SPTBN4: variants seen among roughly 807,000 people sequenced by gnomAD.
The protein encoded by SPTBN4 is spectrin beta chain, non-erythrocytic 4.
In SPTBN4, 96 loss-of-function variants were observed where a neutral mutation model predicts 277.8. The observed-to-expected ratio is 0.35, with a 90% CI of 0.29 to 0.41. The LOEUF (loss-of-function observed/expected upper bound fraction) is 0.41, where lower values mean the gene tolerates loss of function less well. SPTBN4 is among the 10% of genes least tolerant of loss of function. The probability of loss-of-function intolerance (pLI) is 1.00; values close to 1 mark genes in which losing one functional copy is unlikely to be tolerated. For missense variants in SPTBN4, 3,006 were observed against 3,595.7 expected (o/e 0.84, Z 4.19); for synonymous variants, 1,481 against 1,580.3 (o/e 0.94, Z 1.49).
At chr19:40,480,466 T>C (rs2079998758) in intron 2 of SPTBN4, among the ~76,000 whole-genome samples, 1 of 152,102 alleles carries the variant, frequency 6.6e-6, no homozygotes, top group Non-Finnish European at 1.5e-5. Context: ...CAGAAAAGCA[T>C]CCTCATGCCA....
chr19:40,487,814 C>T lies in SPTBN4; in HGVS notation c.287C>T (p.Thr96Met). ...GACCTCCGGGACGGCTTCGTGCTCA[C>T]GCGGCTCCTGGAAGTGCTGTCTGGG... ...YVDLRDGFVL[T>M]RLLEVLSGEQ... is the part of the protein sequence containing the mutation. Residue 96 changes from threonine to methionine, a missense_variant, in exon 3 of 36, where the codon ACG becomes ATG. Coordinates refer to ENST00000598249, the MANE Select transcript of SPTBN4 (RefSeq NM_020971.3). 1 of 1,610,166 alleles carries T rather than the reference C, an allele frequency of 6.2e-7. No homozygotes were observed. Among genetic ancestry groups the T allele is most frequent in the Non-Finnish European group, 8.5e-7 (1 of 1,178,284 alleles).
chr19:40,570,900 C>T (rs973146351), intron 33 of SPTBN4, 172 bp downstream of exon 33: 8 of 627,218 alleles, frequency 1.3e-5, no homozygotes, highest in African/African-American at 2.1e-5. Context: ...AGAAAGCCAA[C>T]CAATGAGCAG....
chr19:40,504,152 G>GGGGGGCCCCC lies in SPTBN4; in HGVS notation c.1665+20_1665+21insGGGGGCCCCC. ...ATGCAGGTGCCGGCGGGGGGGCGGG[G>GGGGGGCCCCC]ATGCGGGTGGAGTGCCAGGAGGGAG... On this transcript the variant is annotated intron_variant, in intron 12 of 35. Transcript: ENST00000598249. 1.1e-6 allele frequency: 1 copy of GGGGGGCCCCC among 877,202 alleles called. No homozygotes were observed. The highest frequency in any genetic ancestry group is 1.8e-6 in the Non-Finnish European group (1 of 566,480). 54.3% of individuals were successfully genotyped at this position (877,202 alleles called of 1,614,324 possible). A position where few individuals can be genotyped will look rare whatever the true frequency, so the allele number is the denominator to read the frequency against.
Position 40,572,077 on chromosome 19 carries a change from T to G in SPTBN4, c.7378T>G (p.Ser2460Ala). The G allele has an allele frequency of 1.9e-6, 3 of 1,612,340 alleles. No individual in the cohort carries two copies. Among genetic ancestry groups the G allele is most frequent in the Non-Finnish European group, 2.5e-6 (3 of 1,179,190 alleles). The change falls in exon 34 of 36, where the codon TCC becomes GCC. Residue 2460 changes from serine (S) to alanine (A), a missense_variant. Around this residue, in one of 5 missense-constraint regions of SPTBN4, gnomAD observed 630 missense variants for 677.6 expected, o/e 0.93. Coordinates refer to ENST00000598249, the MANE Select transcript of SPTBN4 (RefSeq NM_020971.3). ...SKGELGFYKDSKGPASGSTHG... is the reference protein window; with the variant it reads ...SKGELGFYKDAKGPASGSTHG... Reference sequence around the variant, plus strand: ...GGGGGAACTGGGCTTCTACAAGGACTCCAAGGGCCCGGCATCCGGGAGCAC... The same window carrying G: ...GGGGGAACTGGGCTTCTACAAGGACGCCAAGGGCCCGGCATCCGGGAGCAC...
chr19:40,550,970 T>C (rs1455068660), intron 22 of SPTBN4, among the ~76,000 whole-genome samples: 2 of 152,188 alleles, frequency 1.3e-5, no homozygotes, highest in African/African-American at 4.8e-5. Context: ...GGAATAACTC[T>C]CATTGGCTCA....
intron 35 of SPTBN4, among the ~76,000 whole-genome samples, chr19:40,572,810 A>G (rs751926682): frequency 6.6e-6 from 1 of 152,050 alleles, no homozygotes; most frequent in Non-Finnish European, 1.5e-5. Flanking sequence ...AAATACAAAA[A>G]TTAACTGGGC....
chr19:40,518,456 G>T (rs1403021285), intron 15 of SPTBN4, among the ~76,000 whole-genome samples: 2 of 151,802 alleles, frequency 1.3e-5, no homozygotes, highest in Non-Finnish European at 2.9e-5. Context: ...TTGAGACAGG[G>T]TCTCATTACT....
intron 24 of SPTBN4, 64 bp from the exon 25 acceptor site, chr19:40,556,020 G>A: frequency 1.4e-6 from 2 of 1,455,736 alleles, no homozygotes; most frequent in Non-Finnish European, 9.3e-7. Flanking sequence ...GGGGGTTTAG[G>A]GGGGTCACGC....
In SPTBN4 at chr19:40,525,667, G is replaced by A. The variant is rs112947569; in HGVS notation, c.3857+2028G>A. ...AGTCAATTAAACATGTACTGAGCCC[G>A]TGCTCTGTACGGAGTGGGGGTGTGT... On this transcript the variant is annotated intron_variant, in intron 17 of 35. Transcript: ENST00000598249. Among the ~76,000 whole-genome samples the A allele has an allele frequency of 5.6e-3, 860 of 152,216 alleles. 8 individuals carry two copies. The highest frequency in any genetic ancestry group is 0.014 in the African/African-American group (571 of 41,534).
intron 20 of SPTBN4, among the ~76,000 whole-genome samples, chr19:40,543,756 A>G (rs1457594360): frequency 6.6e-6 from 1 of 152,186 alleles, no homozygotes. Context: ...TCTCACTCCT[A>G]TCTGCCTCCC....
chr19:40,505,775 CACAG>C (rs376513747), intron 12 of SPTBN4, among the ~76,000 whole-genome samples: 11 of 149,116 alleles, frequency 7.4e-5, no homozygotes, highest in African/African-American at 2.0e-4. Context: ...GAACAGGAGA[CACAG>C]ACAGGAAGGT....
chr19:40,505,382 C>CAAAAAAA (rs1209780246), intron 12 of SPTBN4, among the ~76,000 whole-genome samples: 66 of 55,752 alleles, frequency 1.2e-3, no homozygotes, highest in Non-Finnish European at 1.6e-3. Context: ...GACCCTGTCT[C>CAAAAAAA]AAAAAAAAAA....
intron 5 of SPTBN4, among the ~76,000 whole-genome samples, chr19:40,494,034 T>G (rs1024592122): frequency 6.6e-6 from 1 of 152,030 alleles, no homozygotes; most frequent in African/African-American, 2.4e-5. Context: ...GGTGGCGGGG[T>G]GGGGTGCAGG....
In SPTBN4 at chr19:40,575,554, C is replaced by A; in HGVS notation, c.7680C>A (p.Ser2560Arg). 6.2e-7 allele frequency: 1 copy of A among 1,610,252 alleles called. No homozygotes were observed. Among genetic ancestry groups the A allele is most frequent in the Non-Finnish European group, 8.5e-7 (1 of 1,178,746 alleles). ...PKREGGDRRA[S>R]GRRK ...GGGAAGGCGGAGATCGCAGGGCCAGCGGGCGCAGGAAGTGACTTCCCACCC... is the reference window on the plus strand; with the variant it reads ...GGGAAGGCGGAGATCGCAGGGCCAGAGGGCGCAGGAAGTGACTTCCCACCC... The change falls in exon 36 of 36, where the codon AGC becomes AGA. Residue 2560 changes from serine (S) to arginine (R), a missense_variant. Coordinates refer to ENST00000598249, the MANE Select transcript of SPTBN4 (RefSeq NM_020971.3).
At position 40,557,918 on chromosome 19, in the gene SPTBN4, C is replaced by CAAA. The variant is rs772813414; in HGVS notation, c.5670+535_5670+537dup. On this transcript the variant is annotated intron_variant, in intron 26 of 35. Transcript: ENST00000598249. ...ATGTGACAAGAGTGATACTCTGTCT[C>CAAA]AAAAAAAAAAAAAAAAAAAAAAGCT... 2.5e-3 allele frequency among the ~76,000 whole-genome samples: 112 copies of CAAA among 44,170 alleles called. 5 individuals are homozygous for CAAA. The highest frequency in any genetic ancestry group is 8.4e-3 in the African/African-American group (101 of 11,966). 29.0% of individuals were successfully genotyped at this position (44,170 alleles called of 152,430 possible).
chr19:40,525,570 T>C (rs2096289346), intron 17 of SPTBN4, among the ~76,000 whole-genome samples: 1 of 152,150 alleles, frequency 6.6e-6, no homozygotes, highest in African/African-American at 2.4e-5. Context: ...CATTCCATGA[T>C]TCATTCATTC....
chr19:40,469,165 C>G (rs2079857254), intron 1 of SPTBN4, among the ~76,000 whole-genome samples: 1 of 152,026 alleles, frequency 6.6e-6, no homozygotes, highest in African/African-American at 2.4e-5. Context: ...ACTCTACTGA[C>G]CAAGACTTAG....
Position 40,565,509 on chromosome 19 carries a change from G to T in SPTBN4, c.6002G>T (p.Cys2001Phe). Residue 2001 changes from cysteine to phenylalanine, a missense_variant, in exon 28 of 36, where the codon TGC becomes TTC. Physicochemically the swap from Cys to Phe is radical, Grantham distance 205. Around this residue, in one of 5 missense-constraint regions of SPTBN4, gnomAD observed 425 missense variants for 594.7 expected, o/e 0.71. Coordinates refer to ENST00000598249, the MANE Select transcript of SPTBN4 (RefSeq NM_020971.3). Reference sequence around the variant, plus strand: ...GCGCGGGTGCCTGAGCTGACCACCTGCCAGGAGCTGGGGCGATCTCTGCTG... The same window carrying T: ...GCGCGGGTGCCTGAGCTGACCACCTTCCAGGAGCTGGGGCGATCTCTGCTG... The part of the protein sequence containing the change: ...LEARVPELTT[C>F]QELGRSLLLN... The T allele has an allele frequency of 1.2e-6, 2 of 1,614,148 alleles. No homozygotes were observed. The highest frequency in any genetic ancestry group is 1.3e-5 in the African/African-American group (1 of 75,050).
At chr19:40,540,814 CAAAAAAAAAAAAA>C (rs58695945) in intron 20 of SPTBN4, among the ~76,000 whole-genome samples, 2 of 79,338 alleles carry the variant, frequency 2.5e-5, no homozygotes, top group East Asian at 1.6e-3. Context: ...ACCCCCATCT[CAAAAAAAAAAAAA>C]AAAAAAAAAA....
Sources: allele counts gnomAD v4.1 joint callset (sites outside exome capture counted in the v4.1 genomes callset), GRCh38; gene constraint gnomAD v4.1.1; regional missense constraint gnomAD v4.1.1; transcripts MANE v1.5; gene names NCBI Gene and HGNC (gene_info 2026-07-23, HGNC 2026-07-21).